The following UBE4B variants were observed in gnomAD, a reference collection of about 807,000 sequenced individuals.
UBE4B encodes ubiquitination factor E4B, also known as ubiquitin conjugation factor E4 B.
A neutral mutation model predicts 148.1 loss-of-function variants in UBE4B; 27 were observed. That is an observed-to-expected ratio of 0.18 (90% confidence interval 0.13 to 0.25). The LOEUF is 0.25. Ranked by LOEUF, UBE4B falls within the 10% of genes least tolerant of loss-of-function variation. UBE4B has a pLI of 1.00. For synonymous variants in UBE4B, 596 were observed against 619.3 expected, an observed-to-expected ratio of 0.96 and a Z score of 0.56; for missense variants, 1,170 against 1,662.4, an observed-to-expected ratio of 0.70 and a Z score of 5.15.
intron 2 of UBE4B, among the ~76,000 whole-genome samples, chr1:10,092,449 T>C (rs1034475532): frequency 5.9e-5 from 9 of 151,682 alleles, no homozygotes; most frequent in African/African-American, 2.2e-4. Flanking sequence ...GGTCTCGAAC[T>C]CCTGACCTCA....
At chr1:10,105,288 C>T (rs905016968) in intron 5 of UBE4B, among the ~76,000 whole-genome samples, 2 of 152,074 alleles carry the variant, frequency 1.3e-5, no homozygotes, top group Non-Finnish European at 2.9e-5. Context: ...CCCAGTTTCC[C>T]CTGACGTTAA....
At chr1:10,058,139 A>G (rs1362800274) in intron 1 of UBE4B, among the ~76,000 whole-genome samples, 1 of 152,214 alleles carries the variant, frequency 6.6e-6, no homozygotes, top group Non-Finnish European at 1.5e-5. Flanking sequence ...GTGCTTGGGT[A>G]AAAGCACTAG....
At chr1:10,101,495 TTGC>T (rs1337418666) in intron 4 of UBE4B, among the ~76,000 whole-genome samples, 1 of 144,880 alleles carries the variant, frequency 6.9e-6, no homozygotes, top group Non-Finnish European at 1.5e-5. Flanking sequence ...TGTTGGTCTT[TTGC>T]TTTTTTTTTT....
chr1:10,043,860 A>G (rs761347150), intron 1 of UBE4B, among the ~76,000 whole-genome samples: 4 of 152,224 alleles, frequency 2.6e-5, no homozygotes, highest in African/African-American at 7.2e-5. Flanking sequence ...TGAGTGCTAC[A>G]GTGTTAAAAT....
chr1:10,146,856 C>T, intron 18 of UBE4B, 107 bp from the exon 19 acceptor site: 2 of 1,395,462 alleles, frequency 1.4e-6, no homozygotes, highest in Non-Finnish European at 2.0e-6. Flanking sequence ...GCTCTAGAAG[C>T]TCTGGAACCC....
Position 10,072,214 on chromosome 1 carries a change from G to C in UBE4B, c.211G>C (p.Gly71Arg). ...TPATSPIGAS[G>R]VAHRSQSSEG... ...AGCTACCTCCCCAATAGGTGCATCA[G>C]GTAAGCCCAAGCTTCATACCTGGGA... The change falls in exon 2 of 28, where the codon GGA becomes CGA. Residue 71 changes from glycine (G) to arginine (R), a missense_variant and splice_region_variant. By Grantham distance (125) the Gly-to-Arg change is moderately radical. Transcript: ENST00000343090. 1 of 1,611,254 alleles carries C rather than the reference G, an allele frequency of 6.2e-7. No individual in the cohort carries two copies. The highest frequency in any genetic ancestry group is 8.5e-7 in the Non-Finnish European group (1 of 1,179,396).
intron 1 of UBE4B, among the ~76,000 whole-genome samples, chr1:10,055,168 G>C (rs1420908522): frequency 6.6e-6 from 1 of 152,114 alleles, no homozygotes; most frequent in Non-Finnish European, 1.5e-5. Flanking sequence ...GCATCTTTTG[G>C]CTTGAAATGT....
chr1:10,154,039 G>A (rs1264056556), intron 21 of UBE4B, among the ~76,000 whole-genome samples: 1 of 151,848 alleles, frequency 6.6e-6, no homozygotes. Context: ...CCAAGATCGC[G>A]CCATTGTAAT....
intron 2 of UBE4B, among the ~76,000 whole-genome samples, chr1:10,093,963 G>A (rs1021037146): frequency 6.6e-6 from 1 of 152,120 alleles, no homozygotes; most frequent in African/African-American, 2.4e-5. Flanking sequence ...TCAAAGTGCT[G>A]AGATTACAGG....
chr1:10,136,842 C>T (rs963017442), intron 16 of UBE4B, among the ~76,000 whole-genome samples: 5 of 152,156 alleles, frequency 3.3e-5, no homozygotes, highest in African/African-American at 1.2e-4. Context: ...ATCACTTGAA[C>T]CTGGGAGGCG....
In UBE4B at chr1:10,176,710, T is replaced by A. The variant is rs140835639; in HGVS notation, c.3526-1934T>A. On this transcript the variant is annotated intron_variant, in intron 25 of 27. Coordinates refer to ENST00000343090, the MANE Select transcript of UBE4B (RefSeq NM_001105562.3). ...TTTTCTTGGGAGCAATGTCTATTCA[T>A]GTTCTTTGCCCATTTTTTAATTGGG... Among the ~76,000 whole-genome samples, 981 of 152,200 alleles carry A rather than the reference T, an allele frequency of 6.4e-3. 11 individuals carry two copies. Among genetic ancestry groups the A allele is most frequent in the African/African-American group, 0.022 (926 of 41,552 alleles).
At chr1:10,136,251 G>A (rs114489388) in intron 16 of UBE4B, among the ~76,000 whole-genome samples, 1 of 151,804 alleles carries the variant, frequency 6.6e-6, no homozygotes, top group Non-Finnish European at 1.5e-5. Flanking sequence ...GGTGGGAGGA[G>A]AGCTTGAGCC....
At chr1:10,102,907 C>T in intron 4 of UBE4B, 41 bp from the exon 5 acceptor site, 1 of 1,570,946 alleles carries the variant, frequency 6.4e-7, no homozygotes, top group Non-Finnish European at 8.7e-7. Context: ...TAACTCATAC[C>T]TCTTATTTGA....
chr1:10,116,929 G>A (rs1256315244), intron 7 of UBE4B, among the ~76,000 whole-genome samples: 1 of 152,082 alleles, frequency 6.6e-6, no homozygotes, highest in Non-Finnish European at 1.5e-5. Flanking sequence ...GAGTTTTTAT[G>A]TCGATAGCAA....
Position 10,033,482 on chromosome 1 carries a change from G to C in UBE4B, c.-189G>C. ...TAGTAGTCTGTGGGGCGACTGGAGTGACCGAAGCCAAGGCAGTTTAGTGCC... is the reference window on the plus strand; with the variant it reads ...TAGTAGTCTGTGGGGCGACTGGAGTCACCGAAGCCAAGGCAGTTTAGTGCC... On this transcript the variant is annotated 5_prime_UTR_variant, in exon 1 of 28. Transcript: ENST00000343090. 3 of 513,116 alleles carry C rather than the reference G, an allele frequency of 5.8e-6. No homozygotes were observed. Among genetic ancestry groups the C allele is most frequent in the Non-Finnish European group, 9.5e-6 (3 of 316,274 alleles). 31.8% of individuals were successfully genotyped at this position (513,116 alleles called of 1,614,324 possible). A position where few individuals can be genotyped will look rare whatever the true frequency, so the allele number is the denominator to read the frequency against.
At chr1:10,096,913 C>G (rs1644937056) in intron 3 of UBE4B, among the ~76,000 whole-genome samples, 1 of 151,696 alleles carries the variant, frequency 6.6e-6, no homozygotes, top group Admixed American at 6.6e-5. Context: ...GTGTTGCATG[C>G]CTGTAGTACC....
At chr1:10,068,270 C>G (rs190047740) in intron 1 of UBE4B, among the ~76,000 whole-genome samples, 2 of 152,100 alleles carry the variant, frequency 1.3e-5, no homozygotes, top group Non-Finnish European at 2.9e-5. Context: ...ATGAAGTGAT[C>G]CCACCTACCT....
intron 2 of UBE4B, among the ~76,000 whole-genome samples, chr1:10,076,705 C>G (rs1028898877): frequency 6.6e-6 from 1 of 150,672 alleles, no homozygotes; most frequent in Non-Finnish European, 1.5e-5. Flanking sequence ...GGGGGTCCTT[C>G]CACTTCCAGT....
intron 2 of UBE4B, chr1:10,072,480 A>T: frequency 1.4e-6 from 1 of 710,284 alleles, no homozygotes; most frequent in Non-Finnish European, 2.6e-6. Context: ...TGATGACAAG[A>T]TGATTAAGAC....
Sources: gnomAD v4.1 joint callset for allele counts (sites outside exome capture counted in the v4.1 genomes callset) on GRCh38, gnomAD v4.1.1 for gene constraint, MANE v1.5 for transcripts, NCBI Gene and HGNC (gene_info 2026-07-23, HGNC 2026-07-21) for gene names.